Variants in TRAPPC4 observed in about 807,000 individuals in gnomAD.
TRAPPC4 encodes TRS23 homolog.
In TRAPPC4, 30 loss-of-function variants were observed where a neutral mutation model predicts 23.5. The ratio of observed to expected loss-of-function variants is 1.28; its 90% confidence interval spans 0.96 to 1.73. TRAPPC4 has a LOEUF of 1.73. Ranked by LOEUF, TRAPPC4 falls within the 40% of genes most tolerant of loss-of-function variation. The pLI is 0.00. For synonymous variants in TRAPPC4, 129 were observed against 105.3 expected, an observed-to-expected ratio of 1.23 and a Z score of -1.38; for missense variants, 252 against 268.9, an observed-to-expected ratio of 0.94 and a Z score of 0.44.
Position 119,019,148 on chromosome 11 carries a change from C to T in TRAPPC4, c.181C>T (p.His61Tyr). ...FGQRDGIRVG[H>Y]AVLAINGMDV... ...CGTTAGCTTCACCTCTGCAGTGGGTCATGCAGTGCTGGCCATCAATGGCAT... is the reference window on the plus strand; with the variant it reads ...CGTTAGCTTCACCTCTGCAGTGGGTTATGCAGTGCTGGCCATCAATGGCAT... The change falls in exon 2 of 5, where the codon CAT (histidine) becomes TAT (tyrosine). Residue 61 changes from histidine (H) to tyrosine (Y), a missense_variant. Around this residue, in one of 3 missense-constraint regions of TRAPPC4, gnomAD observed 222 missense variants for 217.8 expected, o/e 1.02. Transcript: ENST00000533632. 3 of 1,614,026 alleles carry T rather than the reference C, an allele frequency of 1.9e-6. No homozygotes were observed. The highest frequency in any genetic ancestry group is 2.5e-6 in the Non-Finnish European group (3 of 1,179,926).
rs75723659 is a variant in TRAPPC4, at chr11:119,020,092, C to A, written c.351-58C>A. On this transcript the variant is annotated intron_variant, in intron 2 of 4. Coordinates refer to ENST00000533632, the MANE Select transcript of TRAPPC4 (RefSeq NM_016146.6). ...AACTCCTCAGCAAATAGGGACACTT[C>A]AGTGGAAGTTTGAGAAGCACTCCTT... 7,600 of 1,272,664 alleles carry A rather than the reference C, an allele frequency of 6.0e-3. 313 individuals are homozygous for A. The African/African-American group carries it at 0.09, about 15-fold the overall frequency. 78.8% of individuals were successfully genotyped at this position (1,272,664 alleles called of 1,614,324 possible).
Position 119,023,752 on chromosome 11 carries a change from T to G in TRAPPC4, c.*353T>G, listed in dbSNP as rs1374303186. 5.7e-6 allele frequency: 1 copy of G among 175,382 alleles called. No homozygotes were observed. The highest frequency in any genetic ancestry group is 2.4e-5 in the African/African-American group (1 of 42,456). The allele number at this position is 175,382 out of a possible 1,614,324, so 10.9% of individuals were successfully genotyped here. A position where few individuals can be genotyped will look rare whatever the true frequency, so the allele number is the denominator to read the frequency against. On this transcript the variant is annotated 3_prime_UTR_variant, in exon 5 of 5. Transcript: ENST00000533632. ...GGTTAGGGAATTCTGGGAAGATGAT[T>G]ATGTGCTAGTAAAAAACATAACAAA...
At position 119,018,880 on chromosome 11, in the gene TRAPPC4, G is replaced by C; in HGVS notation, c.85G>C (p.Glu29Gln). 4.3e-6 allele frequency: 7 copies of C among 1,614,194 alleles called. No individual in the cohort carries two copies. The highest frequency in any genetic ancestry group is 5.9e-6 in the Non-Finnish European group (7 of 1,180,048). ...LDSYAPRAEA[E>Q]KTFSYPLDLL... Reference sequence around the variant, plus strand: ...CAGCTACGCGCCACGGGCTGAGGCTGAGAAAACTTTCAGTTATCCGCTGGA... The same window carrying C: ...CAGCTACGCGCCACGGGCTGAGGCTCAGAAAACTTTCAGTTATCCGCTGGA... Residue 29 changes from glutamate (E) to glutamine (Q), a missense_variant, in exon 1 of 5, where the codon GAG becomes CAG. Coordinates refer to ENST00000533632, the MANE Select transcript of TRAPPC4 (RefSeq NM_016146.6).
chr11:119,023,837 C>G lies in TRAPPC4; in HGVS notation c.*438C>G. 6.4e-6 allele frequency: 1 copy of G among 155,546 alleles called. No individual in the cohort carries two copies. Among genetic ancestry groups the G allele is most frequent in the Middle Eastern group, 3.2e-3 (1 of 310 alleles). 9.6% of individuals were successfully genotyped at this position (155,546 alleles called of 1,614,324 possible). A position where few individuals can be genotyped will look rare whatever the true frequency, so the allele number is the denominator to read the frequency against. On this transcript the variant is annotated 3_prime_UTR_variant, in exon 5 of 5. Coordinates refer to ENST00000533632, the MANE Select transcript of TRAPPC4 (RefSeq NM_016146.6). ...GAAGCATGAGCATTGGATCTAGTCC[C>G]AGAATTGCTGCTGATTTCCTGGGGT...
chr11:119,018,815 A>G lies in TRAPPC4; in HGVS notation c.20A>G (p.Tyr7Cys). 6.2e-7 allele frequency: 1 copy of G among 1,614,222 alleles called. No individual in the cohort carries two copies. Among genetic ancestry groups the G allele is most frequent in the Non-Finnish European group, 8.5e-7 (1 of 1,180,028 alleles). The change falls in exon 1 of 5, where the codon TAT becomes TGT. Residue 7 changes from tyrosine to cysteine, a missense_variant. By Grantham distance (194) the Tyr-to-Cys change is radical. Coordinates refer to ENST00000533632, the MANE Select transcript of TRAPPC4 (RefSeq NM_016146.6). The stretch of plus-strand genomic sequence containing the variant: ...GCAGCGATGGCGATTTTTAGTGTGT[A>G]TGTGGTGAACAAAGCTGGCGGCTTG... MAIFSV[Y>C]VVNKAGGLIY...
chr11:119,020,163 G>T lies in TRAPPC4; in HGVS notation c.364G>T (p.Gly122Cys). 1 of 1,613,642 alleles carries T rather than the reference G, an allele frequency of 6.2e-7. No homozygotes were observed. The change falls in exon 3 of 5, where the codon GGC becomes TGC. Residue 122 changes from glycine (G) to cysteine (C), a missense_variant. This residue lies in a region of TRAPPC4 where 222 missense variants were observed against 217.8 expected (regional missense o/e 1.02). Coordinates refer to ENST00000533632, the MANE Select transcript of TRAPPC4 (RefSeq NM_016146.6). ...ASMFHSLFAIGSQLSPEQGSS... is the reference protein window; with the variant it reads ...ASMFHSLFAICSQLSPEQGSS... ...CTTTGCATATAGGCTCTTTGCCATC[G>T]GCTCCCAGCTGTCTCCTGAACAGGG...
Position 119,020,302 on chromosome 11 carries a change from A to G in TRAPPC4, c.454+49A>G, listed in dbSNP as rs1047072721. 3.4e-6 allele frequency: 5 copies of G among 1,467,374 alleles called. No individual in the cohort carries two copies. In the Admixed American group the frequency reaches 8.6e-5, roughly 25 times the overall value. 90.9% of individuals were successfully genotyped at this position (1,467,374 alleles called of 1,614,324 possible). A position where few individuals can be genotyped will look rare whatever the true frequency, so the allele number is the denominator to read the frequency against. On this transcript the variant is annotated intron_variant, in intron 3 of 4. Transcript: ENST00000533632. ...AGGAGTGTGATGGAGAAGGTGGGGA[A>G]GAGATACTGATAAGTTTGCATCTCC...
Position 119,019,319 on chromosome 11 carries a change from T to A in TRAPPC4, c.350+2T>A. 1 of 1,610,896 alleles carries A rather than the reference T, an allele frequency of 6.2e-7. No individual in the cohort carries two copies. The highest frequency in any genetic ancestry group is 8.5e-7 in the Non-Finnish European group (1 of 1,177,380). ...TATGCTGGCCTCCATGTTCCACTCG[T>A]AAGTCCCCCGTCTCCTGAACGGCAG... is the stretch of plus-strand genomic sequence containing the variant. On this transcript the variant is annotated splice_donor_variant, in intron 2 of 4. Coordinates refer to ENST00000533632, the MANE Select transcript of TRAPPC4 (RefSeq NM_016146.6). LOFTEE classifies it high-confidence loss of function.
chr11:119,021,681 G>A, intron 3 of TRAPPC4, 79 bp from the exon 4 acceptor site: 1 of 1,514,408 alleles, frequency 6.6e-7, no homozygotes, highest in South Asian at 1.2e-5. Flanking sequence ...TTGCAAAATT[G>A]AAAGTGCTGT....
Position 119,019,314 on chromosome 11 carries a change from A to G in TRAPPC4, c.347A>G (p.His116Arg). 6.2e-7 allele frequency: 1 copy of G among 1,611,034 alleles called. No individual in the cohort carries two copies. ...NEKLMLASMF[H>R]SLFAIGSQLS... ...AAGCTTATGCTGGCCTCCATGTTCC[A>G]CTCGTAAGTCCCCCGTCTCCTGAAC... Residue 116 changes from histidine (H) to arginine (R), a missense_variant, in exon 2 of 5, where the codon CAC becomes CGC. Physicochemically the swap from His to Arg is conservative, Grantham distance 29. Around this residue, in one of 3 missense-constraint regions of TRAPPC4, gnomAD observed 222 missense variants for 217.8 expected, o/e 1.02. Transcript: ENST00000533632.
At chr11:119,020,412 C>T in intron 3 of TRAPPC4, 159 bp downstream of exon 3, 1 of 578,882 alleles carries the variant, frequency 1.7e-6, no homozygotes, top group Non-Finnish European at 3.1e-6. Flanking sequence ...AGGGGGTGTG[C>T]TTTTCCTGGC....
chr11:119,022,384 A>G (rs1400029232), intron 4 of TRAPPC4, among the ~76,000 whole-genome samples: 1 of 151,956 alleles, frequency 6.6e-6, no homozygotes, highest in Admixed American at 6.6e-5. Flanking sequence ...TCAGCCCAGG[A>G]GTTTGAGATC....
At chr11:119,020,387 T>C (rs1366339322) in intron 3 of TRAPPC4, 134 bp downstream of exon 3, 8 of 657,796 alleles carry the variant, frequency 1.2e-5, no homozygotes, top group Admixed American at 4.7e-5. Flanking sequence ...AAAGACACCT[T>C]TGGTAAGCAA....
In TRAPPC4 at chr11:119,020,212, A is replaced by T; in HGVS notation, c.413A>T (p.Glu138Val). Reference protein sequence around the residue: ...EQGSSGIEMLETDTFKLHCYQ... With the variant: ...EQGSSGIEMLVTDTFKLHCYQ... ...GGAAGCTCAGGCATTGAGATGCTGG[A>T]GACAGACACATTCAAATTGCACTGC... Residue 138 changes from glutamate to valine, a missense_variant, in exon 3 of 5, where the codon GAG becomes GTG. Transcript: ENST00000533632. 1 of 1,613,920 alleles carries T rather than the reference A, an allele frequency of 6.2e-7. No homozygotes were observed. Among genetic ancestry groups the T allele is most frequent in the Middle Eastern group, 1.6e-4 (1 of 6,062 alleles).
rs1467105726 is a variant in TRAPPC4 at position 119,020,068 on chromosome 11, ACTC to A, written c.351-78_351-76del. ...CTGACTGTCCCAGGCTGTAATGTGA[ACTC>A]CTCAGCAAATAGGGACACTTCAGTG... is the stretch of plus-strand genomic sequence containing the variant. On this transcript the variant is annotated intron_variant, in intron 2 of 4. Transcript: ENST00000533632. 23 of 933,526 alleles carry A rather than the reference ACTC, an allele frequency of 2.5e-5. No individual in the cohort carries two copies. In the African/African-American group the frequency reaches 3.2e-4, roughly 13 times the overall value. The allele number at this position is 933,526 out of a possible 1,614,324, so 57.8% of individuals were successfully genotyped here.
chr11:119,018,889 T>C lies in TRAPPC4; in HGVS notation c.94T>C (p.Phe32Leu), dbSNP rs1205641470. The change falls in exon 1 of 5, where the codon TTC becomes CTC. Residue 32 changes from phenylalanine (F) to leucine (L), a missense_variant. Phe to Leu is a conservative substitution (Grantham distance 22). Transcript: ENST00000533632. ...YAPRAEAEKT[F>L]SYPLDLLLKL... is the part of the protein sequence containing the mutation. ...GCCACGGGCTGAGGCTGAGAAAACT[T>C]TCAGTTATCCGCTGGATCTGCTGCT... 1 of 1,614,122 alleles carries C rather than the reference T, an allele frequency of 6.2e-7. No homozygotes were observed. Among genetic ancestry groups the C allele is most frequent in the Admixed American group, 1.7e-5 (1 of 60,030 alleles).
At chr11:119,022,142 G>A (rs1943377832) in intron 4 of TRAPPC4, among the ~76,000 whole-genome samples, 5 of 152,242 alleles carry the variant, frequency 3.3e-5, no homozygotes, top group Middle Eastern at 3.4e-3. Flanking sequence ...GTGCCACCAC[G>A]CCTGGCTAAT....
At position 119,023,627 on chromosome 11, in the gene TRAPPC4, G is replaced by C; in HGVS notation, c.*228G>C. 1 of 394,814 alleles carries C rather than the reference G, an allele frequency of 2.5e-6. No homozygotes were observed. The highest frequency in any genetic ancestry group is 2.0e-5 in the African/African-American group (1 of 50,008). 24.5% of individuals were successfully genotyped at this position (394,814 alleles called of 1,614,324 possible). A position where few individuals can be genotyped will look rare whatever the true frequency, so the allele number is the denominator to read the frequency against. ...TACAGATTTATTTATGGAGGAGCTAGGTCCATAAATGTTGTAATAAATATT... is the reference window on the plus strand; with the variant it reads ...TACAGATTTATTTATGGAGGAGCTACGTCCATAAATGTTGTAATAAATATT... On this transcript the variant is annotated 3_prime_UTR_variant, in exon 5 of 5. Coordinates refer to ENST00000533632, the MANE Select transcript of TRAPPC4 (RefSeq NM_016146.6).
At position 119,021,578 on chromosome 11, in the gene TRAPPC4, C is replaced by T. The variant is rs982605413; in HGVS notation, c.455-182C>T. The T allele has an allele frequency of 3.3e-5, 19 of 583,166 alleles. No individual in the cohort carries two copies. The Admixed American group carries it at 5.1e-4, about 16-fold the overall frequency. The allele number at this position is 583,166 out of a possible 1,614,324, so 36.1% of individuals were successfully genotyped here. A position where few individuals can be genotyped will look rare whatever the true frequency, so the allele number is the denominator to read the frequency against. On this transcript the variant is annotated intron_variant, in intron 3 of 4. Transcript: ENST00000533632. Reference sequence around the variant, plus strand: ...GGTGGGTGACATAACAAAGTTACTTCACTTCTCTGGTCTCATCGGTAGATT... The same window carrying T: ...GGTGGGTGACATAACAAAGTTACTTTACTTCTCTGGTCTCATCGGTAGATT...
Sources: allele counts gnomAD v4.1 joint callset (sites outside exome capture counted in the v4.1 genomes callset), GRCh38; gene constraint gnomAD v4.1.1; regional missense constraint gnomAD v4.1.1; transcripts MANE v1.5; gene names NCBI Gene and HGNC (gene_info 2026-07-23, HGNC 2026-07-21).